INO80C: variants seen among roughly 807,000 people sequenced by gnomAD.
INO80C encodes the protein INO80 complex subunit C.
INO80C carries 17 observed loss-of-function variants against 17.7 expected under a neutral mutation model. The observed-to-expected ratio is 0.96, with a 90% CI of 0.66 to 1.44. The LOEUF (loss-of-function observed/expected upper bound fraction) is 1.44. INO80C is among the 40% of genes most tolerant of loss of function. The pLI is 0.00. For synonymous variants in INO80C, 96 were observed against 95.8 expected, an observed-to-expected ratio of 1.00 and a Z score of -0.01; for missense variants, 244 against 245.0, an observed-to-expected ratio of 1.00 and a Z score of 0.03.
chr18:35,478,130 G>C, intron 4 of INO80C, 152 bp downstream of exon 4: 2 of 535,032 alleles, frequency 3.7e-6, no homozygotes, highest in Non-Finnish European at 6.5e-6. Context: ...ATGCCTGTTT[G>C]CAGCAATGAA....
chr18:35,478,152 A>AACCTATC (rs1598740079), intron 4 of INO80C, 130 bp downstream of exon 4: 1 of 697,124 alleles, frequency 1.4e-6, no homozygotes, highest in East Asian at 2.8e-5. Context: ...ACACTGCACA[A>AACCTATC]ACCTATCACC....
chr18:35,497,883 G>T lies in INO80C; in HGVS notation c.-9C>A. ...GGAATTTGCGCCGCCATCGCACTCC[G>T]AGTCTTCCCCTGGTCCCCCCACCTT... On this transcript the variant is annotated 5_prime_UTR_variant, in exon 1 of 5. Coordinates refer to ENST00000334598, the MANE Select transcript of INO80C (RefSeq NM_194281.4). 1.3e-6 allele frequency: 2 copies of T among 1,553,618 alleles called. No homozygotes were observed. The highest frequency in any genetic ancestry group is 1.7e-6 in the Non-Finnish European group (2 of 1,147,492).
intron 4 of INO80C, among the ~76,000 whole-genome samples, chr18:35,476,184 T>C (rs560392220): frequency 6.6e-6 from 1 of 152,304 alleles, no homozygotes; most frequent in East Asian, 1.9e-4. Flanking sequence ...AGTTTTATCA[T>C]GAGAAAACAT....
At position 35,468,359 on chromosome 18, in the gene INO80C, T is replaced by G. The variant is rs747276666; in HGVS notation, c.*252A>C. The G allele has an allele frequency of 1.1e-4, 152 of 1,325,442 alleles. No individual in the cohort carries two copies. The highest frequency in any genetic ancestry group is 1.4e-4 in the Non-Finnish European group (143 of 1,034,490). 82.1% of individuals were successfully genotyped at this position (1,325,442 alleles called of 1,614,324 possible). A position where few individuals can be genotyped will look rare whatever the true frequency, so the allele number is the denominator to read the frequency against. On this transcript the variant is annotated 3_prime_UTR_variant, in exon 5 of 5. Coordinates refer to ENST00000334598, the MANE Select transcript of INO80C (RefSeq NM_194281.4). ...AAATGAAAAGTATGGTTTTATTGTA[T>G]CTTCTTGTCAAACACCTTTACTTGA...
intron 4 of INO80C, among the ~76,000 whole-genome samples, chr18:35,470,977 C>T (rs547114747): frequency 1.3e-5 from 2 of 152,308 alleles, no homozygotes; most frequent in South Asian, 4.1e-4. Context: ...GCAGTATTCA[C>T]GGCTTGCCCG....
At chr18:35,476,014 A>G (rs1321325276) in intron 4 of INO80C, among the ~76,000 whole-genome samples, 1 of 152,252 alleles carries the variant, frequency 6.6e-6, no homozygotes, top group Non-Finnish European at 1.5e-5. Flanking sequence ...ATTCACTACT[A>G]GAAGTCCCTC....
chr18:35,476,533 T>C (rs780642445), intron 4 of INO80C, among the ~76,000 whole-genome samples: 14 of 152,304 alleles, frequency 9.2e-5, no homozygotes, highest in East Asian at 1.9e-4. Context: ...CTGAAAAATA[T>C]AGTCTATTAA....
At chr18:35,493,883 G>A (rs966322653) in intron 1 of INO80C, among the ~76,000 whole-genome samples, 3 of 152,126 alleles carry the variant, frequency 2.0e-5, no homozygotes, top group Non-Finnish European at 2.9e-5. Context: ...AATTACTGAC[G>A]TAGGGAAATT....
At chr18:35,475,735 G>A (rs550708881) in intron 4 of INO80C, among the ~76,000 whole-genome samples, 1 of 151,992 alleles carries the variant, frequency 6.6e-6, no homozygotes, top group South Asian at 2.1e-4. Flanking sequence ...AAAGGACTTC[G>A]TTAGTAGCAA....
chr18:35,492,495 AGTT>A (rs1360589098), intron 1 of INO80C, among the ~76,000 whole-genome samples: 2 of 152,244 alleles, frequency 1.3e-5, no homozygotes, highest in Admixed American at 1.3e-4. Flanking sequence ...AAATTATAAT[AGTT>A]GTTGGGGAAG....
intron 1 of INO80C, among the ~76,000 whole-genome samples, chr18:35,482,056 A>T (rs1381851092): frequency 2.0e-5 from 3 of 152,196 alleles, no homozygotes; most frequent in African/African-American, 7.2e-5. Context: ...GTCTTCAGCT[A>T]TTACAAATAA....
chr18:35,497,367 G>A, intron 1 of INO80C: 3 of 1,059,752 alleles, frequency 2.8e-6, no homozygotes, highest in Non-Finnish European at 3.4e-6. Flanking sequence ...CTGGGTAGAT[G>A]TCTGCAGAAT....
In INO80C at chr18:35,497,817, T is replaced by A; in HGVS notation, c.58A>T (p.Ser20Cys). The A allele has an allele frequency of 6.2e-7, 1 of 1,611,512 alleles. No homozygotes were observed. The highest frequency in any genetic ancestry group is 8.5e-7 in the Non-Finnish European group (1 of 1,178,700). Residue 20 changes from serine (S) to cysteine (C), a missense_variant, in exon 1 of 5, where the codon AGC becomes TGC. Coordinates refer to ENST00000334598, the MANE Select transcript of INO80C (RefSeq NM_194281.4). ...TTSTPGIVRN[S>C]KKRPASPSHN... ...GAAGGGCTGGCCGGCCTCTTCTTGC[T>A]GTTCCGGACTATTCCGGGAGTGGAA...
intron 1 of INO80C, chr18:35,497,275 T>G: frequency 2.1e-6 from 2 of 953,510 alleles, no homozygotes; most frequent in Non-Finnish European, 2.5e-6. Flanking sequence ...AGCACTTTTC[T>G]CAGGATGAGA....
chr18:35,496,509 C>T (rs1233596379), intron 1 of INO80C, among the ~76,000 whole-genome samples: 1 of 152,210 alleles, frequency 6.6e-6, no homozygotes, highest in Non-Finnish European at 1.5e-5. Flanking sequence ...TTGATCCAGG[C>T]AGTGGCCATA....
At chr18:35,471,242 T>C (rs1048902164) in intron 4 of INO80C, among the ~76,000 whole-genome samples, 1 of 152,230 alleles carries the variant, frequency 6.6e-6, no homozygotes, top group Non-Finnish European at 1.5e-5. Flanking sequence ...AAAGTCCTCA[T>C]TTATCACCAT....
chr18:35,477,667 T>G (rs2045752967), intron 4 of INO80C, among the ~76,000 whole-genome samples: 1 of 152,246 alleles, frequency 6.6e-6, no homozygotes, highest in African/African-American at 2.4e-5. Context: ...CTGAGGTTCC[T>G]GAGCTTTAGC....
intron 1 of INO80C, among the ~76,000 whole-genome samples, chr18:35,480,967 A>T (rs2045800333): frequency 6.6e-6 from 1 of 152,256 alleles, no homozygotes; most frequent in Non-Finnish European, 1.5e-5. Flanking sequence ...ATTCAAACCT[A>T]GGTTGGGCCA....
Position 35,479,419 on chromosome 18 carries a change from T to G in INO80C, c.268-8A>C, listed in dbSNP as rs753072327. ...GCCACCGTGGCCAGAGTGCTTGAAT[T>G]GAAGGCATGGATTAGAAGAAACAAA... On this transcript the variant is annotated splice_region_variant and splice_polypyrimidine_tract_variant and intron_variant, in intron 2 of 4. Coordinates refer to ENST00000334598, the MANE Select transcript of INO80C (RefSeq NM_194281.4). 6.3e-7 allele frequency: 1 copy of G among 1,588,144 alleles called. No homozygotes were observed. The highest frequency in any genetic ancestry group is 1.1e-5 in the South Asian group (1 of 90,532).
Sources: gnomAD v4.1 joint callset for allele counts (sites outside exome capture counted in the v4.1 genomes callset) on GRCh38, gnomAD v4.1.1 for gene constraint, MANE v1.5 for transcripts, NCBI Gene and HGNC (gene_info 2026-07-23, HGNC 2026-07-21) for gene names.